The following DYM variants were observed in gnomAD, a reference collection of about 807,000 sequenced individuals.
The protein encoded by DYM is dyggve-Melchior-Clausen syndrome protein.
Under a neutral mutation model 93.1 loss-of-function variants are expected in DYM, and 78 were observed. That is an observed-to-expected ratio of 0.84 (90% CI 0.70 to 1.01). The LOEUF is 1.01. Among genes scored for constraint, DYM ranks in the 50% least tolerant of loss-of-function variants. The pLI, the probability that DYM is intolerant of heterozygous loss-of-function variation, is 0.00. For missense variants in DYM, 789 were observed against 845.0 expected (o/e 0.93, Z 0.82); for synonymous variants, 321 against 319.7 (o/e 1.00, Z -0.04).
At chr18:49,078,865 A>G (rs954365010) in intron 17 of DYM, among the ~76,000 whole-genome samples, 10 of 152,234 alleles carry the variant, frequency 6.6e-5, no homozygotes, top group African/African-American at 1.9e-4. Flanking sequence ...ATTTTTGCTC[A>G]GCCTGAAGAA....
At chr18:49,431,437 C>T (rs1351128234) in intron 1 of DYM, among the ~76,000 whole-genome samples, 2 of 152,108 alleles carry the variant, frequency 1.3e-5, no homozygotes, top group Admixed American at 6.6e-5. Flanking sequence ...TTAGTATCCA[C>T]GAGGCTCTTC....
At chr18:49,373,786 G>A (rs1029815590) in intron 5 of DYM, among the ~76,000 whole-genome samples, 1 of 152,136 alleles carries the variant, frequency 6.6e-6, no homozygotes, top group Non-Finnish European at 1.5e-5. Flanking sequence ...TGCTGGGTTT[G>A]CAGGTATTGA....
In DYM at chr18:49,284,852, C is replaced by T. The variant is rs905866269; in HGVS notation, c.946+1582G>A. Among the ~76,000 whole-genome samples the T allele has an allele frequency of 7.9e-5, 12 of 152,074 alleles. No homozygotes were observed. In the South Asian group the frequency reaches 2.5e-3, roughly 32 times the overall value. ...CCCTATTGTCCTGTGTTATAGTTTG[C>T]CTGTATCCTCTCCAAAATTCATGTT... On this transcript the variant is annotated intron_variant, in intron 9 of 17. Transcript: ENST00000675505.
At chr18:49,074,152 T>C (rs143944765) in intron 17 of DYM, among the ~76,000 whole-genome samples, 2,152 of 152,338 alleles carry the variant, frequency 0.014, 26 homozygotes, top group Non-Finnish European at 0.024. Context: ...TCTGTATCCA[T>C]AGGTTTCGCA....
chr18:49,080,414 G>T (rs1339904034), intron 17 of DYM, among the ~76,000 whole-genome samples: 1 of 138,516 alleles, frequency 7.2e-6, no homozygotes, highest in East Asian at 2.3e-4. Flanking sequence ...TCCCGGACGG[G>T]GTGGCTGGCC....
intron 14 of DYM, among the ~76,000 whole-genome samples, chr18:49,182,341 C>A (rs1855468421): frequency 6.6e-6 from 1 of 152,132 alleles, no homozygotes; most frequent in South Asian, 2.1e-4. Context: ...CTTCCACACT[C>A]TTACTCATTT....
rs533820360 is a variant in DYM, at chr18:49,257,230, T to A, written c.1366-126A>T. The stretch of plus-strand genomic sequence containing the variant: ...GATTTTAGAAAGTTCAGATCCACTA[T>A]CTCTTTTTTCTAATTCCTAAATCCA... On this transcript the variant is annotated intron_variant, in intron 12 of 17. Transcript: ENST00000675505. 5.4e-5 allele frequency: 40 copies of A among 740,924 alleles called. No individual in the cohort carries two copies. In the South Asian group the frequency reaches 6.0e-4, roughly 11 times the overall value. The allele number at this position is 740,924 out of a possible 1,614,324, so 45.9% of individuals were successfully genotyped here.
At chr18:49,098,881 A>C (rs1165179589) in intron 16 of DYM, among the ~76,000 whole-genome samples, 1 of 152,250 alleles carries the variant, frequency 6.6e-6, no homozygotes, top group African/African-American at 2.4e-5. Context: ...TAATAGATTA[A>C]AATCCTATTT....
intron 8 of DYM, chr18:49,321,221 C>T (rs551391059): frequency 2.5e-6 from 1 of 394,716 alleles, no homozygotes; most frequent in East Asian, 3.6e-5. Context: ...AAATCATTAG[C>T]ACCAAATAAA....
intron 13 of DYM, among the ~76,000 whole-genome samples, chr18:49,253,151 T>G (rs1051185295): frequency 6.6e-6 from 1 of 152,226 alleles, no homozygotes; most frequent in Non-Finnish European, 1.5e-5. Flanking sequence ...TTGAAGATCA[T>G]GTGAAATACT....
intron 16 of DYM, among the ~76,000 whole-genome samples, chr18:49,106,765 C>T (rs918360487): frequency 7.2e-4 from 109 of 152,294 alleles, no homozygotes; most frequent in African/African-American, 2.6e-3. Context: ...GAGTTTCTGC[C>T]GAGAGATCAG....
At chr18:49,232,820 G>A (rs28731147) in intron 13 of DYM, among the ~76,000 whole-genome samples, 97,301 of 150,876 alleles carry the variant, frequency 0.64, 32,585 homozygotes, top group Non-Finnish European at 0.74. Context: ...CGTTGGCTAG[G>A]TTGGTCTTGA....
At chr18:49,367,837 A>C (rs12458813) in intron 5 of DYM, among the ~76,000 whole-genome samples, 13,842 of 152,166 alleles carry the variant, frequency 0.091, 842 homozygotes, top group East Asian at 0.31. Context: ...GTACCTTAGA[A>C]GTTCAGAATA....
At chr18:49,088,388 A>G (rs562961716) in intron 17 of DYM, among the ~76,000 whole-genome samples, 88 of 152,170 alleles carry the variant, frequency 5.8e-4, no homozygotes, top group African/African-American at 2.1e-3. Flanking sequence ...TCCCCATTTC[A>G]CATCACACAC....
chr18:49,414,971 A>G (rs1184691991), intron 2 of DYM, among the ~76,000 whole-genome samples: 4 of 152,100 alleles, frequency 2.6e-5, no homozygotes, highest in Non-Finnish European at 5.9e-5. Context: ...TTTTTTAGGT[A>G]TATTAATCAA....
intron 1 of DYM, among the ~76,000 whole-genome samples, chr18:49,449,858 G>A (rs564059166): frequency 2.0e-5 from 3 of 152,262 alleles, no homozygotes; most frequent in Admixed American, 6.5e-5. Flanking sequence ...GCCTGACTTT[G>A]TCTGGGTCCT....
At chr18:49,341,867 T>C (rs966696730) in intron 6 of DYM, among the ~76,000 whole-genome samples, 1 of 152,214 alleles carries the variant, frequency 6.6e-6, no homozygotes, top group Non-Finnish European at 1.5e-5. Context: ...TACTTAAATC[T>C]AATTTGCTAA....
chr18:49,061,823 T>C (rs2076005399), intron 17 of DYM, among the ~76,000 whole-genome samples: 1 of 152,194 alleles, frequency 6.6e-6, no homozygotes, highest in African/African-American at 2.4e-5. Context: ...ATCCAAGAGC[T>C]TCCTCTGTAA....
chr18:49,268,162 C>G (rs1416435632), intron 11 of DYM, among the ~76,000 whole-genome samples: 1 of 151,978 alleles, frequency 6.6e-6, no homozygotes, highest in Non-Finnish European at 1.5e-5. Context: ...AATGCAAATT[C>G]AAATCAAAAT....
Sources: gnomAD v4.1 joint callset for allele counts (sites outside exome capture counted in the v4.1 genomes callset) on GRCh38, gnomAD v4.1.1 for gene constraint, MANE v1.5 for transcripts, NCBI Gene and HGNC (gene_info 2026-07-23, HGNC 2026-07-21) for gene names.